MTMR7: variants seen among roughly 807,000 people sequenced by gnomAD.
MTMR7 encodes the protein phosphatidylinositol-3-phosphate phosphatase MTMR7.
MTMR7 carries 76 observed loss-of-function variants against 81.2 expected under a neutral mutation model. The ratio of observed to expected loss-of-function variants is 0.94; its 90% CI spans 0.78 to 1.13. The LOEUF (loss-of-function observed/expected upper bound fraction) is 1.13, where lower values mean the gene tolerates loss of function less well. Ranked by LOEUF, MTMR7 falls within the 50% of genes most tolerant of loss-of-function variation. The pLI is 0.00. For synonymous variants in MTMR7, 372 were observed against 289.8 expected, an observed-to-expected ratio of 1.28 and a Z score of -2.88; for missense variants, 1,044 against 820.0, an observed-to-expected ratio of 1.27 and a Z score of -3.34.
intron 3 of MTMR7, among the ~76,000 whole-genome samples, chr8:17,369,090 C>T (rs1400548045): frequency 6.6e-6 from 1 of 152,196 alleles, no homozygotes; most frequent in Non-Finnish European, 1.5e-5. Flanking sequence ...TCCTAAATCC[C>T]ATTAATCCGC....
intron 7 of MTMR7, among the ~76,000 whole-genome samples, chr8:17,314,500 C>T (rs2150493826): frequency 6.6e-6 from 1 of 152,204 alleles, no homozygotes; most frequent in South Asian, 2.1e-4. Flanking sequence ...TCTTTGAAAG[C>T]ACTGTGCATA....
chr8:17,338,114 C>CT (rs918909092), intron 6 of MTMR7, among the ~76,000 whole-genome samples: 3 of 152,178 alleles, frequency 2.0e-5, no homozygotes, highest in African/African-American at 7.2e-5. Flanking sequence ...AATGAAAGCT[C>CT]TAAGTAAACA....
intron 7 of MTMR7, among the ~76,000 whole-genome samples, chr8:17,315,587 G>A (rs966582302): frequency 2.0e-5 from 3 of 152,076 alleles, no homozygotes; most frequent in Non-Finnish European, 2.9e-5. Flanking sequence ...GGGACTCTCC[G>A]TACCTTCTGC....
rs1744890881 is a variant in MTMR7, at chr8:17,331,216, T to C, written c.799A>G (p.Lys267Glu). The change falls in exon 7 of 14, where the codon AAG (lysine) becomes GAG (glutamate). Residue 267 changes from lysine to glutamate, a missense_variant. By Grantham distance (56) the Lys-to-Glu change is moderately conservative. Coordinates refer to ENST00000180173, the MANE Select transcript of MTMR7 (RefSeq NM_004686.5). ...TTCTCTATCCCGATAAACTGAAACT[T>C]GATATTGGAATAATTGTCTTCATTC... ...YENEDNYSNI[K>E]FQFIGIENIH... The C allele has an allele frequency of 6.2e-7, 1 of 1,612,814 alleles. No individual in the cohort carries two copies. Among genetic ancestry groups the C allele is most frequent in the African/African-American group, 1.3e-5 (1 of 74,898 alleles).
Position 17,371,030 on chromosome 8 carries a change from G to A in MTMR7, c.310+7C>T, listed in dbSNP as rs763170353. The A allele has an allele frequency of 2.5e-6, 4 of 1,610,620 alleles. No individual in the cohort carries two copies. The South Asian group carries it at 3.3e-5, about 13-fold the overall frequency. ...TCCATATTAAATGCCGAGTTCCTCT[G>A]CCCTACCTGGCCTTGCAAGGCGTAT... On this transcript the variant is annotated splice_region_variant and intron_variant, in intron 3 of 13. Coordinates refer to ENST00000180173, the MANE Select transcript of MTMR7 (RefSeq NM_004686.5).
chr8:17,377,151 T>C (rs566741194), intron 1 of MTMR7, among the ~76,000 whole-genome samples: 5 of 152,136 alleles, frequency 3.3e-5, no homozygotes. Flanking sequence ...TATGATTACA[T>C]CAATTAATCA....
At chr8:17,326,757 G>A (rs1345469710) in intron 7 of MTMR7, among the ~76,000 whole-genome samples, 7 of 152,174 alleles carry the variant, frequency 4.6e-5, no homozygotes, top group Non-Finnish European at 7.3e-5. Flanking sequence ...CAAACTTCCT[G>A]ATGAGAACGC....
chr8:17,321,257 T>C (rs1034025933), intron 7 of MTMR7, among the ~76,000 whole-genome samples: 12 of 152,194 alleles, frequency 7.9e-5, no homozygotes, highest in African/African-American at 2.9e-4. Context: ...AAGAGAGGAA[T>C]GGATGGCCAC....
chr8:17,377,038 G>A (rs1024210435), intron 1 of MTMR7, among the ~76,000 whole-genome samples: 13 of 150,636 alleles, frequency 8.6e-5, no homozygotes, highest in Admixed American at 3.3e-4. Context: ...CGCCATAATT[G>A]TTATTTTGAT....
rs117691218 is a variant in MTMR7 at position 17,303,901 on chromosome 8, A to G, written c.1493+478T>C. Among the ~76,000 whole-genome samples the G allele has an allele frequency of 2.8e-4, 43 of 152,326 alleles. No individual in the cohort carries two copies. In the East Asian group the frequency reaches 2.9e-3, roughly 10 times the overall value. The stretch of plus-strand genomic sequence containing the variant: ...ATCTTAATGTAATTTCCACAAGGGA[A>G]GTACTTCCAGTAGGACTTAATTCAG... On this transcript the variant is annotated intron_variant, in intron 12 of 13. Coordinates refer to ENST00000180173, the MANE Select transcript of MTMR7 (RefSeq NM_004686.5).
intron 4 of MTMR7, among the ~76,000 whole-genome samples, chr8:17,353,110 C>T (rs1329685936): frequency 2.6e-5 from 4 of 152,074 alleles, no homozygotes; most frequent in African/African-American, 9.7e-5. Flanking sequence ...TATTATTCAG[C>T]CCTAAAAAGG....
At chr8:17,359,865 T>C (rs959409289) in intron 4 of MTMR7, among the ~76,000 whole-genome samples, 2 of 152,184 alleles carry the variant, frequency 1.3e-5, no homozygotes, top group African/African-American at 4.8e-5. Context: ...TTCATAGACA[T>C]TGGTACAACC....
At chr8:17,312,092 G>C (rs1174706558) in intron 8 of MTMR7, among the ~76,000 whole-genome samples, 1 of 152,050 alleles carries the variant, frequency 6.6e-6, no homozygotes, top group Non-Finnish European at 1.5e-5. Flanking sequence ...GTAAGGTTGA[G>C]GAAAGGAAAA....
At chr8:17,309,391 A>C in intron 9 of MTMR7, 65 bp from the exon 10 acceptor site, 1 of 1,117,822 alleles carries the variant, frequency 8.9e-7, no homozygotes, top group Non-Finnish European at 1.3e-6. Context: ...CCACACAACC[A>C]ATAATGTTGA....
rs1817317849 is a variant in MTMR7 at position 17,304,411 on chromosome 8, A to T, written c.1461T>A (p.His487Gln). Reference sequence around the variant, plus strand: ...TGAAGTTACATGGTGTTGTAGGGAGATGAAGGGTTCCCTGAGTCTGGCTGT... The same window carrying T: ...TGAAGTTACATGGTGTTGTAGGGAGTTGAAGGGTTCCCTGAGTCTGGCTGT... ...ADHSQTQGTL[H>Q]LPTTPCNFMY... is the part of the protein sequence containing the mutation. Residue 487 changes from histidine (H) to glutamine (Q), a missense_variant, in exon 12 of 14, where the codon CAT becomes CAA. Transcript: ENST00000180173. 6.2e-7 allele frequency: 1 copy of T among 1,613,916 alleles called. No homozygotes were observed. The highest frequency in any genetic ancestry group is 1.7e-5 in the Admixed American group (1 of 59,998).
chr8:17,400,174 TACA>T (rs1394338730), intron 1 of MTMR7, among the ~76,000 whole-genome samples: 5 of 152,156 alleles, frequency 3.3e-5, no homozygotes, highest in African/African-American at 1.2e-4. Context: ...ACAAGAGCAA[TACA>T]ACAATAGTAC....
chr8:17,313,213 CCATGGCAGAGGGAT>C (rs1817886724), intron 8 of MTMR7, 65 bp downstream of exon 8: 1 of 1,024,184 alleles, frequency 9.8e-7, no homozygotes, highest in Non-Finnish European at 1.5e-6. Flanking sequence ...ACAGGGAAGC[CCATGGCAGAGGGAT>C]ACCCATTTTG....
Position 17,370,289 on chromosome 8 carries a change from G to A in MTMR7, c.310+748C>T, listed in dbSNP as rs3763557. 0.026 allele frequency among the ~76,000 whole-genome samples: 3,926 copies of A among 152,052 alleles called. 442 individuals are homozygous for A. In the East Asian group the frequency reaches 0.31, roughly 12 times the overall value. On this transcript the variant is annotated intron_variant, in intron 3 of 13. Coordinates refer to ENST00000180173, the MANE Select transcript of MTMR7 (RefSeq NM_004686.5). ...CTGTAATCCGAGCACTTGAGGCCGA[G>A]GCAGGTAGATTACTTGAGGCCACGA...
chr8:17,387,146 G>C (rs561139019), intron 1 of MTMR7, among the ~76,000 whole-genome samples: 1 of 152,174 alleles, frequency 6.6e-6, no homozygotes, highest in African/African-American at 2.4e-5. Context: ...ATTCTTCCCA[G>C]GTATTCTGAT....
Sources: allele counts gnomAD v4.1 joint callset (sites outside exome capture counted in the v4.1 genomes callset), GRCh38; gene constraint gnomAD v4.1.1; transcripts MANE v1.5; gene names NCBI Gene and HGNC (gene_info 2026-07-23, HGNC 2026-07-21).